The following ARMC8 variants were observed in gnomAD, a reference collection of about 807,000 sequenced individuals.
The protein encoded by ARMC8 is armadillo repeat containing 8, also known as armadillo repeat-containing protein 8.
A neutral mutation model predicts 99.3 loss-of-function variants in ARMC8; 20 were observed. The ratio of observed to expected loss-of-function variants is 0.20; its 90% CI spans 0.14 to 0.29. ARMC8 has a LOEUF of 0.29. Ranked by LOEUF, ARMC8 falls within the 10% of genes least tolerant of loss-of-function variation. The pLI, the probability that ARMC8 is intolerant of heterozygous loss-of-function variation, is 1.00. For missense variants in ARMC8, 569 were observed against 809.5 expected, an observed-to-expected ratio of 0.70 and a Z score of 3.60; for synonymous variants, 263 against 278.3, an observed-to-expected ratio of 0.95 and a Z score of 0.55.
chr3:138,187,378 C>G lies in ARMC8; in HGVS notation c.-177C>G. On this transcript the variant is annotated 5_prime_UTR_variant, in exon 1 of 22. Transcript: ENST00000469044. ...TCGTAGGACAGCCCCTGACGCCATT[C>G]CCTTTTGCCCTTCTTTCTGCGGGCC... The G allele has an allele frequency of 1.7e-6, 1 of 599,526 alleles. No homozygotes were observed. The highest frequency in any genetic ancestry group is 2.9e-5 in the East Asian group (1 of 34,248). The allele number at this position is 599,526 out of a possible 1,614,324, so 37.1% of individuals were successfully genotyped here.
rs1421577878 is a variant in ARMC8 at position 138,235,176 on chromosome 3, C to T, written c.609+62C>T. ...TTGTTTGTGATTTCTAGAAACAGAC[C>T]CACATATTTTTATTGTTTCTTTGAT... On this transcript the variant is annotated intron_variant, in intron 7 of 21. Coordinates refer to ENST00000469044, the MANE Select transcript of ARMC8 (RefSeq NM_001363941.2). The T allele has an allele frequency of 1.4e-5, 16 of 1,137,780 alleles. No individual in the cohort carries two copies. The South Asian group carries it at 2.2e-4, about 15-fold the overall frequency. 70.5% of individuals were successfully genotyped at this position (1,137,780 alleles called of 1,614,324 possible).
Position 138,187,617 on chromosome 3 carries a change from GCCGC to G in ARMC8, c.45+29_45+32del. ...TCCTTTCGGTGAGTGACCCGCCGCG[GCCGC>G]CCGCCCGCCCTCCAGGAAGCCTCAT... On this transcript the variant is annotated intron_variant, in intron 1 of 21. Coordinates refer to ENST00000469044, the MANE Select transcript of ARMC8 (RefSeq NM_001363941.2). The G allele has an allele frequency of 6.5e-7, 1 of 1,535,298 alleles. No individual in the cohort carries two copies. The highest frequency in any genetic ancestry group is 1.2e-5 in the South Asian group (1 of 84,046).
At chr3:138,188,839 T>A (rs934686750) in intron 1 of ARMC8, among the ~76,000 whole-genome samples, 7 of 152,216 alleles carry the variant, frequency 4.6e-5, no homozygotes, top group Non-Finnish European at 4.4e-5. Context: ...TGTGAGGCTG[T>A]CAACAGATTT....
Position 138,223,687 on chromosome 3 carries a change from G to C in ARMC8, c.389G>C (p.Arg130Pro). 1 of 1,614,124 alleles carries C rather than the reference G, an allele frequency of 6.2e-7. No individual in the cohort carries two copies. The highest frequency in any genetic ancestry group is 8.5e-7 in the Non-Finnish European group (1 of 1,180,008). The change falls in exon 5 of 22, where the codon CGT becomes CCT. Residue 130 changes from arginine to proline, a missense_variant. Arg to Pro is a moderately radical substitution (Grantham distance 103). This residue lies in a region of ARMC8 where 342 missense variants were observed against 391.6 expected (regional missense o/e 0.87). Transcript: ENST00000469044. The part of the protein sequence containing the change: ...KFIEACLRCL[R>P]TIFTSPVTPE... Reference sequence around the variant, plus strand: ...ATTGAAGCTTGCCTCCGATGCCTGCGTACCATCTTCACCAGTCCTGTCACT... The same window carrying C: ...ATTGAAGCTTGCCTCCGATGCCTGCCTACCATCTTCACCAGTCCTGTCACT...
intron 5 of ARMC8, among the ~76,000 whole-genome samples, chr3:138,228,005 A>G (rs2045782356): frequency 6.6e-6 from 1 of 152,150 alleles, no homozygotes; most frequent in Non-Finnish European, 1.5e-5. Context: ...TTTGAGACAG[A>G]GTCTTGCTCT....
intron 1 of ARMC8, among the ~76,000 whole-genome samples, chr3:138,208,281 C>G (rs949683970): frequency 6.6e-6 from 1 of 152,096 alleles, no homozygotes; most frequent in African/African-American, 2.4e-5. Flanking sequence ...GCCTGGCCAA[C>G]ATGGTGAAAC....
intron 5 of ARMC8, among the ~76,000 whole-genome samples, chr3:138,227,715 T>C (rs1412326003): frequency 6.6e-6 from 1 of 152,226 alleles, no homozygotes; most frequent in Non-Finnish European, 1.5e-5. Flanking sequence ...CTGTTGTCTC[T>C]GGTGAGGATC....
At chr3:138,264,034 T>A (rs1389472565) in intron 13 of ARMC8, 97 bp from the exon 14 acceptor site, 2 of 1,145,332 alleles carry the variant, frequency 1.7e-6, no homozygotes, top group African/African-American at 1.5e-5. Context: ...GTAGATATGC[T>A]TGAAGTGTAC....
chr3:138,279,741 C>G (rs1045627542), intron 18 of ARMC8, among the ~76,000 whole-genome samples: 3 of 152,096 alleles, frequency 2.0e-5, no homozygotes, highest in African/African-American at 7.2e-5. Flanking sequence ...CTCAGGTTAT[C>G]TGTTTCTTGT....
intron 21 of ARMC8, among the ~76,000 whole-genome samples, chr3:138,291,279 A>G (rs1188096050): frequency 6.6e-6 from 1 of 152,178 alleles, no homozygotes; most frequent in African/African-American, 2.4e-5. Flanking sequence ...TTCAGCCCTT[A>G]ATGGTCTGGC....
intron 3 of ARMC8, 139 bp downstream of exon 3, chr3:138,222,136 GTATT>G: frequency 1.6e-6 from 1 of 641,012 alleles, no homozygotes; most frequent in East Asian, 2.9e-5. Flanking sequence ...ATAAATGTAA[GTATT>G]TAAACTATCT....
At chr3:138,237,719 TAAATGGATGTGAG>T (rs2046403769) in intron 9 of ARMC8, 147 bp downstream of exon 9, 1 of 630,312 alleles carries the variant, frequency 1.6e-6, no homozygotes, top group East Asian at 2.8e-5. Context: ...CACATTTTCT[TAAATGGATGTGAG>T]TTTTTTATAC....
At chr3:138,225,755 A>C (rs9846166) in intron 5 of ARMC8, among the ~76,000 whole-genome samples, 3,639 of 152,328 alleles carry the variant, frequency 0.024, 61 homozygotes, top group Middle Eastern at 0.058. Context: ...CAAATTGTAC[A>C]CACAGGAGTC....
chr3:138,241,473 ATTCTTAAATGTC>A (rs1365580195), intron 10 of ARMC8, among the ~76,000 whole-genome samples: 8 of 152,286 alleles, frequency 5.3e-5, no homozygotes, highest in Admixed American at 5.2e-4. Flanking sequence ...TTTGTTAGGG[ATTCTTAAATGTC>A]TTTTACAAAG....
At chr3:138,260,481 A>C (rs2047651349) in intron 12 of ARMC8, among the ~76,000 whole-genome samples, 1 of 152,166 alleles carries the variant, frequency 6.6e-6, no homozygotes, top group African/African-American at 2.4e-5. Flanking sequence ...ATTTCTGATC[A>C]TCACCCTATT....
In ARMC8 at chr3:138,296,240, G is replaced by A. The variant is rs151092564; in HGVS notation, c.*348G>A. 12 of 209,648 alleles carry A rather than the reference G, an allele frequency of 5.7e-5. No homozygotes were observed. Among genetic ancestry groups the A allele is most frequent in the South Asian group, 9.7e-5 (1 of 10,330 alleles). 13.0% of individuals were successfully genotyped at this position (209,648 alleles called of 1,614,324 possible). On this transcript the variant is annotated 3_prime_UTR_variant, in exon 22 of 22. Transcript: ENST00000469044. ...TGTCTGTGTGAACACACAGGCATGC[G>A]TGTGTATGTGCACGTACATGGGCCA...
At chr3:138,278,135 C>T (rs1309714661) in intron 18 of ARMC8, among the ~76,000 whole-genome samples, 1 of 152,162 alleles carries the variant, frequency 6.6e-6, no homozygotes, top group African/African-American at 2.4e-5. Context: ...AGGGATAGCA[C>T]AGGACAATTT....
chr3:138,187,841 C>T, intron 1 of ARMC8: 2 of 558,876 alleles, frequency 3.6e-6, no homozygotes, highest in African/African-American at 1.9e-5. Flanking sequence ...AGGATGGCGT[C>T]TGGCAGGCGG....
rs1332653129 is a variant in ARMC8 at position 138,264,208 on chromosome 3, T to G, written c.1295T>G (p.Met432Arg). ...GATCATGCTGTTTGGAAACCTTTAA[T>G]GAAGGTAAGAAGAAAGGGTCAGCCA... ...FQDHAVWKPLMKVLQNAPDEI... is the reference protein window; with the variant it reads ...FQDHAVWKPLRKVLQNAPDEI... The change falls in exon 14 of 22, where the codon ATG becomes AGG. Residue 432 changes from methionine to arginine, a missense_variant. By Grantham distance (91) the Met-to-Arg change is moderately conservative. Coordinates refer to ENST00000469044, the MANE Select transcript of ARMC8 (RefSeq NM_001363941.2). 1 of 1,613,604 alleles carries G rather than the reference T, an allele frequency of 6.2e-7. No individual in the cohort carries two copies. The highest frequency in any genetic ancestry group is 8.5e-7 in the Non-Finnish European group (1 of 1,179,730).
Sources: allele counts gnomAD v4.1 joint callset (sites outside exome capture counted in the v4.1 genomes callset), GRCh38; gene constraint gnomAD v4.1.1; regional missense constraint gnomAD v4.1.1; transcripts MANE v1.5; gene names NCBI Gene and HGNC (gene_info 2026-07-23, HGNC 2026-07-21).